Variants in AHCY observed in about 807,000 individuals in gnomAD.
The protein encoded by AHCY is S-adenosyl-L-homocysteine hydrolase.
AHCY carries 24 observed loss-of-function variants against 45.4 expected under a neutral mutation model. That is an observed-to-expected ratio of 0.53 (90% confidence interval 0.38 to 0.74). AHCY has a LOEUF of 0.74. AHCY is among the 30% of genes least tolerant of loss of function. AHCY has a pLI of 0.00. For missense variants in AHCY, 449 were observed against 594.1 expected, an observed-to-expected ratio of 0.76 and a Z score of 2.54; for synonymous variants, 245 against 235.1, an observed-to-expected ratio of 1.04 and a Z score of -0.39.
chr20:34,253,446 A>ATTTT, the AHCY span, among the ~76,000 whole-genome samples: 1 of 112,146 alleles, frequency 8.9e-6, no homozygotes, highest in Non-Finnish European at 1.8e-5. Context: ...TTTTTATTTT[A>ATTTT]TTTTATTTAT....
downstream of AHCY, among the ~76,000 whole-genome samples, chr20:34,277,412 C>T (rs2035917866): frequency 6.6e-6 from 1 of 152,010 alleles, no homozygotes; most frequent in Non-Finnish European, 1.5e-5. Context: ...CCTAAGTATC[C>T]TAAATTCCCT....
At chr20:34,271,721 A>G in the AHCY span, among the ~76,000 whole-genome samples, 4 of 151,778 alleles carry the variant, frequency 2.6e-5, no homozygotes, top group African/African-American at 9.7e-5. Flanking sequence ...ATGCGCCAAC[A>G]CACCAGCTAA....
the AHCY span, among the ~76,000 whole-genome samples, chr20:34,266,067 A>G: frequency 3.3e-5 from 5 of 152,176 alleles, no homozygotes. Context: ...GTTAAAAGGC[A>G]TAATGGCCAG....
At chr20:34,268,733 A>G in the AHCY span, among the ~76,000 whole-genome samples, 21 of 145,844 alleles carry the variant, frequency 1.4e-4, no homozygotes, top group African/African-American at 5.3e-4. Context: ...AACCCTGTCT[A>G]AAAAAAAAAC....
At chr20:34,295,645 C>T (rs2036556294) in intron 1 of AHCY, 60 bp from the exon 2 acceptor site, 9 of 1,563,810 alleles carry the variant, frequency 5.8e-6, no homozygotes, top group South Asian at 3.4e-5. Flanking sequence ...CCAAGAGGGG[C>T]GGTCACTGCA....
intron 3 of AHCY, among the ~76,000 whole-genome samples, chr20:34,293,234 G>C (rs1480451966): frequency 6.6e-6 from 1 of 151,990 alleles, no homozygotes; most frequent in Non-Finnish European, 1.5e-5. Flanking sequence ...TTCCAGAATA[G>C]ACACCAGAAC....
chr20:34,258,710 T>TATATGTATATACATACTATATATATA, the AHCY span, among the ~76,000 whole-genome samples: 1 of 21,366 alleles, frequency 4.7e-5, no homozygotes, highest in African/African-American at 8.5e-5. Flanking sequence ...ATATATATAT[T>TATATGTATATACATACTATATATATA]ATATATATTA....
intron 1 of AHCY, among the ~76,000 whole-genome samples, chr20:34,310,210 C>T (rs1203396202): frequency 4.6e-5 from 7 of 152,094 alleles, no homozygotes; most frequent in African/African-American, 1.4e-4. Context: ...CCTGCCACCA[C>T]GCCCAGCTAA....
the AHCY span, among the ~76,000 whole-genome samples, chr20:34,265,028 T>C: frequency 3.3e-5 from 5 of 152,188 alleles, no homozygotes; most frequent in Middle Eastern, 3.4e-3. Flanking sequence ...ACTCCTGAGT[T>C]CAGGCAATCC....
At chr20:34,233,506 A>G in the AHCY span, among the ~76,000 whole-genome samples, 1 of 152,156 alleles carries the variant, frequency 6.6e-6, no homozygotes. Context: ...CAAAGACTAC[A>G]TACTGTAGGA....
the AHCY span, among the ~76,000 whole-genome samples, chr20:34,274,533 C>T: frequency 4.2e-4 from 64 of 152,298 alleles, no homozygotes; most frequent in African/African-American, 1.4e-3. Flanking sequence ...ACCTTGTCAA[C>T]ACCACCCCAG....
the AHCY span, among the ~76,000 whole-genome samples, chr20:34,270,855 G>T: frequency 6.6e-6 from 1 of 152,162 alleles, no homozygotes; most frequent in Non-Finnish European, 1.5e-5. Context: ...ATGGGGTCTT[G>T]CTATGTTGCT....
chr20:34,256,813 T>C, the AHCY span, among the ~76,000 whole-genome samples: 1 of 152,160 alleles, frequency 6.6e-6, no homozygotes, highest in Admixed American at 6.5e-5. Flanking sequence ...TCTCACTGTG[T>C]TGCCCAGGCT....
chr20:34,262,213 GACTTTTCACTT>G, the AHCY span, among the ~76,000 whole-genome samples: 1 of 152,316 alleles, frequency 6.6e-6, no homozygotes, highest in African/African-American at 2.4e-5. Context: ...CAGTGTAACA[GACTTTTCACTT>G]TATAAACAGA....
the AHCY span, among the ~76,000 whole-genome samples, chr20:34,273,302 CT>C: frequency 6.6e-6 from 1 of 151,656 alleles, no homozygotes; most frequent in Admixed American, 6.6e-5. Flanking sequence ...AACCCTCTAC[CT>C]TTTTTTTCTC....
intron 8 of AHCY, chr20:34,286,036 T>TG: frequency 1.1e-5 from 3 of 275,576 alleles, no homozygotes; most frequent in South Asian, 1.1e-4. Context: ...ACCTGGGAGG[T>TG]GGAGTTTGCA....
intron 8 of AHCY, among the ~76,000 whole-genome samples, chr20:34,289,010 A>T (rs2036279072): frequency 2.0e-5 from 3 of 151,810 alleles, no homozygotes. Flanking sequence ...TTTTGTTTTT[A>T]GTTTTGTTTT....
chr20:34,309,993 C>A (rs2036932264), intron 1 of AHCY, among the ~76,000 whole-genome samples: 1 of 151,756 alleles, frequency 6.6e-6, no homozygotes, highest in Admixed American at 6.6e-5. Flanking sequence ...TGGAGGGGTG[C>A]CTTCTTAGTG....
chr20:34,297,435 T>C (rs1382706891), intron 1 of AHCY, among the ~76,000 whole-genome samples: 1 of 151,936 alleles, frequency 6.6e-6, no homozygotes, highest in East Asian at 1.9e-4. Flanking sequence ...ATAGCTGGGA[T>C]TACAGGAACT....
Sources: gnomAD v4.1 joint callset for allele counts (sites outside exome capture counted in the v4.1 genomes callset) on GRCh38, gnomAD v4.1.1 for gene constraint, MANE v1.5 for transcripts, NCBI Gene and HGNC (gene_info 2026-07-23, HGNC 2026-07-21) for gene names.